The following GATB variants were observed in gnomAD, a reference collection of about 807,000 sequenced individuals.
GATB encodes glutamyl-tRNA(Gln) amidotransferase subunit B, mitochondrial.
In GATB, 39 loss-of-function variants were observed where a neutral mutation model predicts 62.3. That is an observed-to-expected ratio of 0.63 (90% CI 0.48 to 0.82). The LOEUF (loss-of-function observed/expected upper bound fraction) is 0.82, where lower values mean the gene tolerates loss of function less well. GATB is among the 40% of genes least tolerant of loss of function. GATB has a pLI of 0.00. For synonymous variants in GATB, 276 were observed against 258.9 expected (o/e 1.07, Z -0.63); for missense variants, 670 against 684.0 (o/e 0.98, Z 0.23).
intron 2 of GATB, among the ~76,000 whole-genome samples, chr4:151,745,532 G>A (rs1448154239): frequency 5.9e-5 from 9 of 152,172 alleles, no homozygotes; most frequent in Non-Finnish European, 1.0e-4. Context: ...TTAGAAAAGC[G>A]TTCACATCAC....
chr4:151,715,953 G>A, intron 5 of GATB, 56 bp downstream of exon 5: 2 of 1,587,372 alleles, frequency 1.3e-6, no homozygotes, highest in East Asian at 4.6e-5. Context: ...AGTCAGAGAG[G>A]TTCTAGAAGG....
intron 9 of GATB, among the ~76,000 whole-genome samples, chr4:151,700,250 A>G (rs1738574944): frequency 1.3e-5 from 2 of 152,332 alleles, no homozygotes; most frequent in South Asian, 4.1e-4. Flanking sequence ...AGGATGAAGC[A>G]GTCCTTGCCT....
At chr4:151,716,727 A>G in intron 4 of GATB, 149 bp downstream of exon 4, 1 of 686,632 alleles carries the variant, frequency 1.5e-6, no homozygotes, top group Non-Finnish European at 2.4e-6. Flanking sequence ...AGCTATGCCA[A>G]TCCCAATGCT....
chr4:151,716,627 G>A (rs994151606), intron 4 of GATB, among the ~76,000 whole-genome samples: 2 of 152,110 alleles, frequency 1.3e-5, no homozygotes, highest in Admixed American at 6.5e-5. Flanking sequence ...TCCAGCTGCT[G>A]GGTCTGTGAC....
At chr4:151,741,329 T>A (rs1036720995) in intron 2 of GATB, among the ~76,000 whole-genome samples, 6 of 152,238 alleles carry the variant, frequency 3.9e-5, no homozygotes, top group African/African-American at 1.4e-4. Context: ...GGAGTACTAT[T>A]GTATTACAGA....
chr4:151,744,352 A>G (rs1359153169), intron 2 of GATB, among the ~76,000 whole-genome samples: 2 of 152,244 alleles, frequency 1.3e-5, no homozygotes, highest in African/African-American at 4.8e-5. Flanking sequence ...AGAAAGATCC[A>G]TGAATTGCTC....
At chr4:151,729,650 T>C (rs1007460475) in intron 2 of GATB, among the ~76,000 whole-genome samples, 1 of 152,200 alleles carries the variant, frequency 6.6e-6, no homozygotes, top group Non-Finnish European at 1.5e-5. Context: ...AGGTGCAGGA[T>C]GGATTTCATT....
rs57028979 is a variant in GATB, at chr4:151,695,930, A to ATTTTTT, written c.1197+5393_1197+5398dup. 1.2e-3 allele frequency among the ~76,000 whole-genome samples: 148 copies of ATTTTTT among 122,832 alleles called. 2 individuals are homozygous for ATTTTTT. Among genetic ancestry groups the ATTTTTT allele is most frequent in the East Asian group, 0.011 (48 of 4,352 alleles). 80.6% of individuals were successfully genotyped at this position (122,832 alleles called of 152,430 possible). ...GTGCCACCATGCCCGGCTAATTTAA[A>ATTTTTT]TTTTTTTTTTTTTTTTTTTTTTGTA... On this transcript the variant is annotated intron_variant, in intron 9 of 12. Transcript: ENST00000263985.
In GATB at chr4:151,719,235, C is replaced by T. The variant is rs2303866; in HGVS notation, c.441+190G>A. On this transcript the variant is annotated intron_variant, in intron 3 of 12. Transcript: ENST00000263985. Reference sequence around the variant, plus strand: ...AGCAAGAAGTCAGCAATCAGGACAACTGCATCCGATCTAGTAACCATCAGG... The same window carrying T: ...AGCAAGAAGTCAGCAATCAGGACAATTGCATCCGATCTAGTAACCATCAGG... Among the ~76,000 whole-genome samples the T allele has an allele frequency of 0.58, 88,698 of 152,048 alleles. 28,309 individuals carry two copies. Among genetic ancestry groups the T allele is most frequent in the African/African-American group, 0.86 (35,756 of 41,498 alleles).
At chr4:151,679,733 C>A (rs60456753) in intron 11 of GATB, 80 bp downstream of exon 11, 1 of 1,129,332 alleles carries the variant, frequency 8.9e-7, no homozygotes, top group African/African-American at 1.5e-5. Flanking sequence ...GAAAGTCACT[C>A]AGTGATGGCA....
chr4:151,683,917 T>C (rs1404403465), intron 10 of GATB, among the ~76,000 whole-genome samples: 1 of 152,212 alleles, frequency 6.6e-6, no homozygotes, highest in Non-Finnish European at 1.5e-5. Context: ...TTGTCTTTGC[T>C]TTATTCATCA....
chr4:151,686,562 T>C (rs1269770296), intron 10 of GATB, among the ~76,000 whole-genome samples: 1 of 151,618 alleles, frequency 6.6e-6, no homozygotes, highest in East Asian at 1.9e-4. Context: ...AGAACTCTCT[T>C]TCTGATGCCC....
intron 9 of GATB, 104 bp from the exon 10 acceptor site, chr4:151,688,867 A>G: frequency 8.8e-7 from 1 of 1,140,244 alleles, no homozygotes; most frequent in Admixed American, 2.4e-5. Context: ...CCTCTGAGAC[A>G]GCCACTTTTT....
intron 10 of GATB, among the ~76,000 whole-genome samples, chr4:151,683,535 G>A (rs904721705): frequency 1.3e-5 from 2 of 152,254 alleles, no homozygotes; most frequent in Middle Eastern, 3.4e-3. Context: ...CAGGGCTGCC[G>A]CTGCTGCCTC....
At chr4:151,702,649 C>G (rs1738629187) in intron 8 of GATB, among the ~76,000 whole-genome samples, 1 of 152,114 alleles carries the variant, frequency 6.6e-6, no homozygotes, top group African/African-American at 2.4e-5. Flanking sequence ...TATTGTAAAG[C>G]TAAAACTGCT....
At chr4:151,697,981 A>ATATG (rs1738520961) in intron 9 of GATB, among the ~76,000 whole-genome samples, 1 of 133,010 alleles carries the variant, frequency 7.5e-6, no homozygotes, top group Non-Finnish European at 1.6e-5. Context: ...ATATATATAT[A>ATATG]TATATATATA....
Position 151,701,653 on chromosome 4 carries a change from C to T in GATB, c.1008-135G>A, listed in dbSNP as rs544999301. 129 of 625,724 alleles carry T rather than the reference C, an allele frequency of 2.1e-4. 1 individual carries two copies. The highest frequency in any genetic ancestry group is 2.1e-3 in the African/African-American group (108 of 52,658). The allele number at this position is 625,724 out of a possible 1,614,324, so 38.8% of individuals were successfully genotyped here. A position where few individuals can be genotyped will look rare whatever the true frequency, so the allele number is the denominator to read the frequency against. On this transcript the variant is annotated intron_variant, in intron 8 of 12. Transcript: ENST00000263985. The stretch of plus-strand genomic sequence containing the variant: ...GCAAATATTTTCAAATGTCCTATTA[C>T]GTCAATTCTGTTTCCCAGGGAAGCC...
At position 151,682,893 on chromosome 4, in the gene GATB, G is replaced by A. The variant is rs183185361; in HGVS notation, c.1332-3002C>T. ...GCCCCTAGCTGGCGTCCCACCAAGC[G>A]CCTGTTCCAGGCAGCCCCCTTCTGC... On this transcript the variant is annotated intron_variant, in intron 10 of 12. Coordinates refer to ENST00000263985, the MANE Select transcript of GATB (RefSeq NM_004564.3). 5.3e-5 allele frequency among the ~76,000 whole-genome samples: 8 copies of A among 152,162 alleles called. No individual in the cohort carries two copies. In the South Asian group the frequency reaches 8.3e-4, roughly 16 times the overall value.
At chr4:151,697,618 TAATA>T (rs1207937421) in intron 9 of GATB, among the ~76,000 whole-genome samples, 2 of 150,376 alleles carry the variant, frequency 1.3e-5, no homozygotes, top group Non-Finnish European at 3.0e-5. Context: ...ATTTATATTA[TAATA>T]AATTTTATAA....
Sources: gnomAD v4.1 joint callset for allele counts (sites outside exome capture counted in the v4.1 genomes callset) on GRCh38, gnomAD v4.1.1 for gene constraint, MANE v1.5 for transcripts, NCBI Gene and HGNC (gene_info 2026-07-23, HGNC 2026-07-21) for gene names.